TMEM182: variants seen among roughly 807,000 people sequenced by gnomAD.
TMEM182 encodes transmembrane protein 182.
Under a neutral mutation model 26.8 loss-of-function variants are expected in TMEM182, and 20 were observed. That is an observed-to-expected ratio of 0.75 (90% CI 0.53 to 1.09). The LOEUF (loss-of-function observed/expected upper bound fraction) is 1.09. TMEM182 is among the 50% of genes least tolerant of loss of function. The pLI is 0.00. For missense variants in TMEM182, 277 were observed against 275.5 expected (o/e 1.01, Z -0.04); for synonymous variants, 109 against 102.2 (o/e 1.07, Z -0.40).
intron 3 of TMEM182, among the ~76,000 whole-genome samples, chr2:102,786,208 C>CGGT (rs1681383025): frequency 1.0e-5 from 1 of 98,468 alleles, no homozygotes; most frequent in African/African-American, 4.0e-5. Context: ...ACTCAGCAAT[C>CGGT]TGTTTTTTTT....
At chr2:102,824,732 C>T (rs540095613) in intron 3 of TMEM182, among the ~76,000 whole-genome samples, 1 of 152,118 alleles carries the variant, frequency 6.6e-6, no homozygotes, top group Non-Finnish European at 1.5e-5. Context: ...GAGGCTGAGG[C>T]AGGGGAATCA....
At chr2:102,843,355 T>G (rs1222119371) in intron 3 of TMEM182, 1 of 152,236 alleles carries the variant, frequency 6.6e-6, no homozygotes, top group Non-Finnish European at 1.5e-5. Flanking sequence ...TAATTCTCGG[T>G]CATAATTTCT....
chr2:102,754,009 C>A (rs954853237), intron 1 of TMEM182, among the ~76,000 whole-genome samples: 1 of 152,054 alleles, frequency 6.6e-6, no homozygotes, highest in Non-Finnish European at 1.5e-5. Context: ...GTAGAGAGGA[C>A]GCCACACAAG....
chr2:102,796,009 G>T (rs2104724536), intron 3 of TMEM182, among the ~76,000 whole-genome samples: 1 of 152,232 alleles, frequency 6.6e-6, no homozygotes, highest in Middle Eastern at 3.4e-3. Context: ...GCCTCCACTG[G>T]GGCAGCAGTG....
chr2:102,797,811 A>C, intron 3 of TMEM182, 52 bp from the exon 4 acceptor site: 1 of 1,578,554 alleles, frequency 6.3e-7, no homozygotes, highest in Non-Finnish European at 8.6e-7. Context: ...TGCTGTGTAC[A>C]CAATCTAAGT....
Position 102,816,509 on chromosome 2 carries a change from C to CTAATAATAATAA in TMEM182, c.*1541_*1542insTAATAATAATAA, listed in dbSNP as rs1558789237. Reference sequence around the variant, plus strand: ...CAGGGCATTTTCATGACAGGACTTGCCAATAATAATAATAATAATAATAAT... The same window carrying CTAATAATAATAA: ...CAGGGCATTTTCATGACAGGACTTGCTAATAATAATAACAATAATAATAATAATAATAATAAT... On this transcript the variant is annotated 3_prime_UTR_variant, in exon 5 of 5. Coordinates refer to ENST00000412401, the MANE Select transcript of TMEM182 (RefSeq NM_144632.5). 1.3e-6 allele frequency: 1 copy of CTAATAATAATAA among 769,782 alleles called. No homozygotes were observed. Among genetic ancestry groups the CTAATAATAATAA allele is most frequent in the East Asian group, 1.4e-4 (1 of 6,940 alleles). 47.7% of individuals were successfully genotyped at this position (769,782 alleles called of 1,614,324 possible). A position where few individuals can be genotyped will look rare whatever the true frequency, so the allele number is the denominator to read the frequency against.
intron 4 of TMEM182, among the ~76,000 whole-genome samples, chr2:102,808,396 C>T (rs1682426037): frequency 6.6e-6 from 1 of 152,084 alleles, no homozygotes; most frequent in South Asian, 2.1e-4. Flanking sequence ...TTATTAAGAA[C>T]CATGTTCTCA....
At chr2:102,784,655 C>T (rs183767984) in intron 3 of TMEM182, among the ~76,000 whole-genome samples, 2 of 152,328 alleles carry the variant, frequency 1.3e-5, no homozygotes, top group East Asian at 3.9e-4. Flanking sequence ...ATAGACAGAG[C>T]AGCCCTTAGG....
chr2:102,759,389 C>G (rs908093742), upstream of TMEM182, among the ~76,000 whole-genome samples: 1 of 152,052 alleles, frequency 6.6e-6, no homozygotes, highest in African/African-American at 2.4e-5. Flanking sequence ...ATGACCAGAG[C>G]TCATTATTAA....
rs1363167459 is a variant in TMEM182, at chr2:102,817,344, A to T, written c.*2376A>T. 3 of 985,312 alleles carry T rather than the reference A, an allele frequency of 3.0e-6. No individual in the cohort carries two copies. Among genetic ancestry groups the T allele is most frequent in the Non-Finnish European group, 3.6e-6 (3 of 829,936 alleles). 61.0% of individuals were successfully genotyped at this position (985,312 alleles called of 1,614,324 possible). A position where few individuals can be genotyped will look rare whatever the true frequency, so the allele number is the denominator to read the frequency against. On this transcript the variant is annotated 3_prime_UTR_variant, in exon 5 of 5. Transcript: ENST00000412401. ...ATCATAAAGTTTCAATTTATCAAGG[A>T]TATCTTTTCAGTTACACTTTTAGAA...
At chr2:102,833,850 A>G (rs1683194631) in intron 3 of TMEM182, among the ~76,000 whole-genome samples, 1 of 152,216 alleles carries the variant, frequency 6.6e-6, no homozygotes, top group Admixed American at 6.5e-5. Context: ...TTGGGAAAGA[A>G]TACCACCAGA....
intron 3 of TMEM182, among the ~76,000 whole-genome samples, chr2:102,776,989 A>G (rs924049072): frequency 2.0e-5 from 3 of 151,380 alleles, no homozygotes; most frequent in African/African-American, 7.3e-5. Flanking sequence ...TTCTAATTGG[A>G]TTGTTTGGTT....
intron 3 of TMEM182, among the ~76,000 whole-genome samples, chr2:102,832,707 T>C (rs1036417945): frequency 1.3e-5 from 2 of 152,210 alleles, no homozygotes; most frequent in African/African-American, 4.8e-5. Flanking sequence ...ACTTTCACCT[T>C]GGAAAATATA....
chr2:102,809,955 G>A (rs1459046139), intron 4 of TMEM182, among the ~76,000 whole-genome samples: 1 of 152,090 alleles, frequency 6.6e-6, no homozygotes, highest in Non-Finnish European at 1.5e-5. Flanking sequence ...GCATTTGTGT[G>A]GAAGCATGAC....
At chr2:102,787,881 T>C (rs1350764718) in intron 3 of TMEM182, among the ~76,000 whole-genome samples, 1 of 152,002 alleles carries the variant, frequency 6.6e-6, no homozygotes, top group Admixed American at 6.6e-5. Flanking sequence ...AAATACAACA[T>C]AGAGATTGCT....
chr2:102,773,877 A>C (rs1680786962), intron 3 of TMEM182, among the ~76,000 whole-genome samples: 1 of 152,202 alleles, frequency 6.6e-6, no homozygotes, highest in Admixed American at 6.5e-5. Flanking sequence ...GGAATCTATC[A>C]AATGAACATC....
intron 3 of TMEM182, among the ~76,000 whole-genome samples, chr2:102,765,904 C>G (rs1016703142): frequency 5.9e-5 from 9 of 152,154 alleles, no homozygotes; most frequent in African/African-American, 1.9e-4. Context: ...GTCTAATGGA[C>G]TTAGAAGTAT....
chr2:102,830,577 G>T (rs1047519579), intron 3 of TMEM182, among the ~76,000 whole-genome samples: 1 of 152,050 alleles, frequency 6.6e-6, no homozygotes, highest in East Asian at 1.9e-4. Flanking sequence ...TACACAGTAG[G>T]TATATATATT....
At chr2:102,807,943 T>G (rs1305738192) in intron 4 of TMEM182, among the ~76,000 whole-genome samples, 1 of 152,226 alleles carries the variant, frequency 6.6e-6, no homozygotes, top group Non-Finnish European at 1.5e-5. Flanking sequence ...AATGACCCTA[T>G]ATACAACATG....
Sources: allele counts gnomAD v4.1 joint callset (sites outside exome capture counted in the v4.1 genomes callset), GRCh38; gene constraint gnomAD v4.1.1; transcripts MANE v1.5; gene names NCBI Gene and HGNC (gene_info 2026-07-23, HGNC 2026-07-21).